RBFOX1: variants seen among roughly 807,000 people sequenced by gnomAD.
The protein encoded by RBFOX1 is RNA binding protein fox-1 homolog 1.
RBFOX1 carries 8 observed loss-of-function variants against 57.7 expected under a neutral mutation model. The observed-to-expected ratio is 0.14, with a 90% CI of 0.08 to 0.25. The LOEUF (loss-of-function observed/expected upper bound fraction) is 0.25. Ranked by LOEUF, RBFOX1 falls within the 10% of genes least tolerant of loss-of-function variation. The pLI is 1.00. For missense variants in RBFOX1, 611 were observed against 548.5 expected (o/e 1.11, Z -1.14); for synonymous variants, 326 against 222.4 (o/e 1.47, Z -4.15).
chr16:6,718,640 G>A (rs1233323697), intron 3 of RBFOX1, among the ~76,000 whole-genome samples: 3 of 152,108 alleles, frequency 2.0e-5, no homozygotes, highest in Non-Finnish European at 4.4e-5. Flanking sequence ...GAGGCAATTC[G>A]ATCATGGGAA....
chr16:7,606,195 C>T (rs1394944052), intron 9 of RBFOX1, among the ~76,000 whole-genome samples: 1 of 148,902 alleles, frequency 6.7e-6, no homozygotes, highest in Non-Finnish European at 1.5e-5. Flanking sequence ...GATCTCAGCT[C>T]ACTGCAACCT....
intron 4 of RBFOX1, among the ~76,000 whole-genome samples, chr16:5,894,339 G>A (rs890059177): frequency 1.3e-5 from 2 of 152,176 alleles, no homozygotes; most frequent in Non-Finnish European, 1.5e-5. Context: ...CTGGAGTGCA[G>A]TGGCACAGTT....
intron 2 of RBFOX1, among the ~76,000 whole-genome samples, chr16:6,478,838 A>G (rs578017538): frequency 1.1e-3 from 164 of 152,254 alleles, no homozygotes; most frequent in African/African-American, 3.5e-3. Flanking sequence ...ACCCCAAAAC[A>G]ATTATAATAG....
At chr16:7,344,136 G>A (rs1470352310) in intron 4 of RBFOX1, among the ~76,000 whole-genome samples, 1 of 117,140 alleles carries the variant, frequency 8.5e-6, no homozygotes, top group Admixed American at 1.1e-4. Context: ...TAACTCCTAA[G>A]CTACTCTGAA....
chr16:5,579,298 C>T (rs1001400552), intron 2 of RBFOX1, among the ~76,000 whole-genome samples: 2 of 152,228 alleles, frequency 1.3e-5, no homozygotes, highest in African/African-American at 2.4e-5. Context: ...GCCTCCCGTC[C>T]GTCACTCCCC....
At chr16:5,944,151 C>T (rs2059342700) in intron 4 of RBFOX1, among the ~76,000 whole-genome samples, 1 of 152,206 alleles carries the variant, frequency 6.6e-6, no homozygotes, top group African/African-American at 2.4e-5. Flanking sequence ...TCCTAATGTA[C>T]AAGATGGCCA....
intron 4 of RBFOX1, among the ~76,000 whole-genome samples, chr16:7,491,302 G>T (rs979101622): frequency 1.3e-5 from 2 of 151,616 alleles, no homozygotes; most frequent in African/African-American, 4.8e-5. Context: ...CTGTTGCTTT[G>T]CTATTTAATG....
At chr16:5,314,654 C>T (rs1382987815) in intron 1 of RBFOX1, among the ~76,000 whole-genome samples, 2 of 152,044 alleles carry the variant, frequency 1.3e-5, no homozygotes, top group African/African-American at 2.4e-5. Flanking sequence ...GCATGCACCA[C>T]CATGCCCAGC....
chr16:7,133,530 C>G (rs1244273339), intron 4 of RBFOX1, among the ~76,000 whole-genome samples: 1 of 152,040 alleles, frequency 6.6e-6, no homozygotes, highest in Non-Finnish European at 1.5e-5. Context: ...AATGACAAGA[C>G]AAGGAGAAGA....
intron 4 of RBFOX1, among the ~76,000 whole-genome samples, chr16:7,095,582 G>A (rs2061557474): frequency 6.6e-6 from 1 of 152,202 alleles, no homozygotes; most frequent in African/African-American, 2.4e-5. Flanking sequence ...TTCACACAAA[G>A]AAGGGTCTGA....
At chr16:6,734,413 G>C (rs1463683643) in intron 3 of RBFOX1, among the ~76,000 whole-genome samples, 1 of 152,168 alleles carries the variant, frequency 6.6e-6, no homozygotes, top group African/African-American at 2.4e-5. Flanking sequence ...CAATTATGTA[G>C]CCATTTCCTT....
chr16:6,489,871 G>A (rs1398762765), intron 2 of RBFOX1, among the ~76,000 whole-genome samples: 3 of 152,178 alleles, frequency 2.0e-5, no homozygotes, highest in Non-Finnish European at 2.9e-5. Context: ...GGCACAATTT[G>A]CAGGATGAGT....
At chr16:6,958,460 C>T (rs1346066876) in intron 3 of RBFOX1, among the ~76,000 whole-genome samples, 3 of 152,154 alleles carry the variant, frequency 2.0e-5, no homozygotes, top group Non-Finnish European at 4.4e-5. Context: ...CGCAATTCCT[C>T]GGGATAATTT....
intron 4 of RBFOX1, among the ~76,000 whole-genome samples, chr16:7,398,854 A>G (rs963855465): frequency 6.6e-6 from 1 of 152,186 alleles, no homozygotes; most frequent in Non-Finnish European, 1.5e-5. Flanking sequence ...TAATCCTTGT[A>G]CTAAAGTGGG....
chr16:7,291,171 G>C (rs1031253513), intron 4 of RBFOX1, among the ~76,000 whole-genome samples: 1 of 152,168 alleles, frequency 6.6e-6, no homozygotes, highest in African/African-American at 2.4e-5. Flanking sequence ...AGAAGTACCA[G>C]TTACGTTGCA....
intron 4 of RBFOX1, among the ~76,000 whole-genome samples, chr16:7,269,128 A>T (rs756217451): frequency 5.1e-4 from 77 of 151,860 alleles, no homozygotes; most frequent in Non-Finnish European, 9.3e-4. Flanking sequence ...TCTTCCTCTG[A>T]AAAAATATGA....
intron 4 of RBFOX1, among the ~76,000 whole-genome samples, chr16:7,473,946 G>C (rs978999633): frequency 3.9e-5 from 6 of 152,194 alleles, no homozygotes; most frequent in Admixed American, 1.3e-4. Context: ...CCTATTAACT[G>C]GCAAGCAATC....
chr16:5,425,168 C>T (rs112758889), intron 1 of RBFOX1, among the ~76,000 whole-genome samples: 4,376 of 150,398 alleles, frequency 0.029, 78 homozygotes, highest in Middle Eastern at 0.048. Flanking sequence ...TGCAGTGGTG[C>T]GATCTTGGCT....
At position 6,843,550 on chromosome 16, in the gene RBFOX1, A is replaced by G. The variant is rs144948172; in HGVS notation, c.-16+188900A>G. On this transcript the variant is annotated intron_variant, in intron 3 of 15. Transcript: ENST00000550418. ...AAAAATAAAAAAAAATTATCTAGGCATGGTGGCGGGCACCTGTAGTCCCAG... is the reference window on the plus strand; with the variant it reads ...AAAAATAAAAAAAAATTATCTAGGCGTGGTGGCGGGCACCTGTAGTCCCAG... Among the ~76,000 whole-genome samples, 586 of 152,118 alleles carry G rather than the reference A, an allele frequency of 3.9e-3. 4 individuals carry two copies. The highest frequency in any genetic ancestry group is 5.5e-3 in the Non-Finnish European group (373 of 67,976).
Sources: allele counts gnomAD v4.1 joint callset (sites outside exome capture counted in the v4.1 genomes callset), GRCh38; gene constraint gnomAD v4.1.1; transcripts MANE v1.5; gene names NCBI Gene and HGNC (gene_info 2026-07-23, HGNC 2026-07-21).